The following SGSM3 variants were observed in gnomAD, a reference collection of about 807,000 sequenced individuals.
SGSM3 encodes small G protein signaling modulator 3.
In SGSM3, 96 loss-of-function variants were observed where a neutral mutation model predicts 100.5. The ratio of observed to expected loss-of-function variants is 0.96; its 90% confidence interval spans 0.81 to 1.13. SGSM3 has a LOEUF of 1.13. SGSM3 is among the 50% of genes most tolerant of loss of function. The pLI is 0.00. For synonymous variants in SGSM3, 483 were observed against 422.8 expected (o/e 1.14, Z -1.75); for missense variants, 1,001 against 1,015.8 (o/e 0.99, Z 0.20).
chr22:40,400,794 G>A lies in SGSM3; in HGVS notation c.-13G>A. On this transcript the variant is annotated 5_prime_UTR_variant, in exon 2 of 22. Transcript: ENST00000248929. ...GATTGGAGCTGCAGAAGACTTGCCA[G>A]CCCACCAGCACAATGTCAGGTAGAG... 2 of 1,550,290 alleles carry A rather than the reference G, an allele frequency of 1.3e-6. No individual in the cohort carries two copies.
At chr22:40,386,380 G>A (rs1297367841) in intron 1 of SGSM3, among the ~76,000 whole-genome samples, 7 of 152,154 alleles carry the variant, frequency 4.6e-5, no homozygotes, top group South Asian at 4.2e-4. Context: ...GGACAACCTC[G>A]TGACGTATCT....
chr22:40,371,921 A>G (rs927813466), intron 1 of SGSM3, among the ~76,000 whole-genome samples: 4 of 150,524 alleles, frequency 2.7e-5, no homozygotes, highest in Non-Finnish European at 4.4e-5. Context: ...CTGGTCTCGA[A>G]CTCCTGACCA....
intron 10 of SGSM3, 101 bp downstream of exon 10, chr22:40,406,763 T>C: frequency 9.5e-7 from 1 of 1,054,146 alleles, no homozygotes; most frequent in Non-Finnish European, 1.4e-6. Context: ...AAACCAGCCC[T>C]TCCTGCTCTG....
rs2051691477 is a variant in SGSM3 at position 40,407,181 on chromosome 22, T to C, written c.1241-20T>C. On this transcript the variant is annotated intron_variant, in intron 11 of 21. Coordinates refer to ENST00000248929, the MANE Select transcript of SGSM3 (RefSeq NM_015705.6). The surrounding 1 kb of genome is among the most constrained non-coding windows in gnomAD (Gnocchi z 4.7). Reference sequence around the variant, plus strand: ...GGCCTGGAGTGGGCTGTGGTCACCATGGTTCTCTGGGCCTCCTAGGGGAGG... The same window carrying C: ...GGCCTGGAGTGGGCTGTGGTCACCACGGTTCTCTGGGCCTCCTAGGGGAGG... 4 of 1,613,488 alleles carry C rather than the reference T, an allele frequency of 2.5e-6. No homozygotes were observed. The highest frequency in any genetic ancestry group is 2.2e-5 in the South Asian group (2 of 91,064).
intron 1 of SGSM3, among the ~76,000 whole-genome samples, chr22:40,386,175 T>C (rs1399084275): frequency 1.3e-5 from 2 of 152,094 alleles, no homozygotes; most frequent in East Asian, 3.8e-4. Flanking sequence ...CCACCACCTC[T>C]CCCAGCCAAG....
intron 3 of SGSM3, 68 bp from the exon 4 acceptor site, chr22:40,402,071 G>GCAT: frequency 1.7e-6 from 2 of 1,197,576 alleles, no homozygotes; most frequent in Non-Finnish European, 2.5e-6. Flanking sequence ...CCTGTGGGTG[G>GCAT]CATCTTTCAG....
intron 1 of SGSM3, among the ~76,000 whole-genome samples, chr22:40,371,685 C>CTTCTT (rs947921499): frequency 7.3e-5 from 11 of 151,682 alleles, no homozygotes; most frequent in African/African-American, 2.2e-4. Context: ...ATTTGTAATT[C>CTTCTT]TTCTTTTCTT....
intron 1 of SGSM3, among the ~76,000 whole-genome samples, 192 bp downstream of exon 1, chr22:40,370,880 G>A (rs1474191701): frequency 6.6e-6 from 1 of 152,212 alleles, no homozygotes; most frequent in Admixed American, 6.5e-5. Flanking sequence ...TGGAATGGGG[G>A]CCGGGGACGC....
Position 40,407,883 on chromosome 22 carries a change from A to C in SGSM3, c.1579+40A>C. On this transcript the variant is annotated intron_variant, in intron 14 of 21. Transcript: ENST00000248929. This position sits in a 1 kb window ranked among gnomAD's most constrained non-coding sequence, Gnocchi z 4.7. ...CTGCTCTTGAGCTGGGAGAGGGAGGAGGGGGTGGGCACAGAAGACTTGGGT... is the reference window on the plus strand; with the variant it reads ...CTGCTCTTGAGCTGGGAGAGGGAGGCGGGGGTGGGCACAGAAGACTTGGGT... 1.4e-6 allele frequency: 2 copies of C among 1,401,436 alleles called. No individual in the cohort carries two copies. The highest frequency in any genetic ancestry group is 2.0e-6 in the Non-Finnish European group (2 of 996,976). The allele number at this position is 1,401,436 out of a possible 1,614,324, so 86.8% of individuals were successfully genotyped here. A position where few individuals can be genotyped will look rare whatever the true frequency, so the allele number is the denominator to read the frequency against.
rs112477555 is a variant in SGSM3 at position 40,409,795 on chromosome 22, T to G, written c.*36T>G. ...CCCAGCCCAACCTCGGGCCTGCGTC[T>G]GAGGTGGCCCAGGACCCCAAGCTGC... On this transcript the variant is annotated 3_prime_UTR_variant, in exon 22 of 22. Coordinates refer to ENST00000248929, the MANE Select transcript of SGSM3 (RefSeq NM_015705.6). The G allele has an allele frequency of 2.1e-5, 34 of 1,593,434 alleles. 1 individual carries two copies. Among genetic ancestry groups the G allele is most frequent in the African/African-American group, 2.0e-4 (15 of 74,762 alleles).
In SGSM3 at chr22:40,408,642, G is replaced by A; in HGVS notation, c.1798G>A (p.Val600Ile). 1 of 1,614,006 alleles carries A rather than the reference G, an allele frequency of 6.2e-7. No homozygotes were observed. Among genetic ancestry groups the A allele is most frequent in the Non-Finnish European group, 8.5e-7 (1 of 1,180,026 alleles). Residue 600 changes from valine (V) to isoleucine (I), a missense_variant, in exon 17 of 22, where the codon GTC becomes ATC. Transcript: ENST00000248929. ...GTCCCCACAGGCTGCAGGCCGGGAG[G>A]TCGAGAGAGACTTTGCCTCCGTGTA... ...LFIEEAAGRE[V>I]ERDFASVYSR... is the part of the protein sequence containing the mutation.
rs1261030045 is a variant in SGSM3 at position 40,409,284 on chromosome 22, T to G, written c.2023T>G (p.Cys675Gly). 3.7e-6 allele frequency: 6 copies of G among 1,612,046 alleles called. No homozygotes were observed. Among genetic ancestry groups the G allele is most frequent in the Non-Finnish European group, 5.1e-6 (6 of 1,179,766 alleles). Residue 675 changes from cysteine (C) to glycine (G), a missense_variant, in exon 20 of 22, where the codon TGC becomes GGC. Cys to Gly is a radical substitution (Grantham distance 159). Transcript: ENST00000248929. ...QVLHLWLEVL[C>G]SSLPTVEKWY... ...GCTGCACCTGTGGCTGGAGGTGCTCTGCTCCAGCCTGCCCACCGTGGAGAA... is the reference window on the plus strand; with the variant it reads ...GCTGCACCTGTGGCTGGAGGTGCTCGGCTCCAGCCTGCCCACCGTGGAGAA...
chr22:40,371,627 A>G (rs1169567545), intron 1 of SGSM3, among the ~76,000 whole-genome samples: 1 of 152,156 alleles, frequency 6.6e-6, no homozygotes, highest in African/African-American at 2.4e-5. Context: ...CACTCTAAAC[A>G]GTTGAATTAC....
At chr22:40,404,188 G>A (rs1414878718) in intron 4 of SGSM3, 59 bp from the exon 5 acceptor site, 6 of 1,406,034 alleles carry the variant, frequency 4.3e-6, no homozygotes, top group Middle Eastern at 2.0e-4. Context: ...AGGCTTGGCT[G>A]CTTGGAGAAC....
rs760863905 is a variant in SGSM3, at chr22:40,407,328, G to C, written c.1368G>C (p.Val456=). ...FQCTDPKNCS[V]ELTPDYSMES... ...GCACAGACCCCAAAAACTGCAGCGT[G>C]GTGAGTCGCCAGCTCCCTGGGCTGC... Residue 456 remains valine (V), a splice_region_variant and synonymous_variant, in exon 12 of 22, where the codon GTG becomes GTC. Coordinates refer to ENST00000248929, the MANE Select transcript of SGSM3 (RefSeq NM_015705.6). This position sits in a 1 kb window ranked among gnomAD's most constrained non-coding sequence, Gnocchi z 4.7. The C allele has an allele frequency of 6.2e-7, 1 of 1,613,456 alleles. No individual in the cohort carries two copies. The highest frequency in any genetic ancestry group is 1.7e-5 in the Admixed American group (1 of 60,026).
At chr22:40,372,097 T>TAGTTCTTCTC (rs1275463483) in intron 1 of SGSM3, among the ~76,000 whole-genome samples, 1 of 151,344 alleles carries the variant, frequency 6.6e-6, no homozygotes, top group Non-Finnish European at 1.5e-5. Flanking sequence ...GCCTGAGCTT[T>TAGTTCTTCTC]AGTTCTTCTC....
Position 40,404,366 on chromosome 22 carries a change from A to T in SGSM3, c.277A>T (p.Thr93Ser), listed in dbSNP as rs761887456. 1 of 1,607,404 alleles carries T rather than the reference A, an allele frequency of 6.2e-7. No individual in the cohort carries two copies. The highest frequency in any genetic ancestry group is 8.5e-7 in the Non-Finnish European group (1 of 1,176,302). ...CCATAACCACGATGTGGGGGATCTCACCTGGGACAAGATTGCCGTCTCCCT... is the reference window on the plus strand; with the variant it reads ...CCATAACCACGATGTGGGGGATCTCTCCTGGGACAAGATTGCCGTCTCCCT... ...FTHNHDVGDL[T>S]WDKIAVSLPR... Residue 93 changes from threonine to serine, a missense_variant, in exon 5 of 22, where the codon ACC (threonine) becomes TCC (serine). Coordinates refer to ENST00000248929, the MANE Select transcript of SGSM3 (RefSeq NM_015705.6).
intron 1 of SGSM3, among the ~76,000 whole-genome samples, chr22:40,397,145 G>T (rs1164447174): frequency 1.3e-5 from 2 of 152,174 alleles, no homozygotes; most frequent in African/African-American, 2.4e-5. Flanking sequence ...TGCCCACCCA[G>T]CTTAACAATT....
chr22:40,377,244 G>A (rs1326403099), intron 1 of SGSM3, among the ~76,000 whole-genome samples: 1 of 152,174 alleles, frequency 6.6e-6, no homozygotes, highest in Non-Finnish European at 1.5e-5. Context: ...CAGATGTTAG[G>A]CAAATAGATG....
Sources: gnomAD v4.1 joint callset for allele counts (sites outside exome capture counted in the v4.1 genomes callset) on GRCh38, gnomAD v4.1.1 for gene constraint, Gnocchi (gnomAD v3.1) non-coding constraint, MANE v1.5 for transcripts, NCBI Gene and HGNC (gene_info 2026-07-23, HGNC 2026-07-21) for gene names.